The following CLEC16A variants were observed in gnomAD, a reference collection of about 807,000 sequenced individuals.
CLEC16A encodes protein CLEC16A.
CLEC16A carries 51 observed loss-of-function variants against 109.5 expected under a neutral mutation model. That is an observed-to-expected ratio of 0.47 (90% CI 0.37 to 0.59). The LOEUF is 0.59. Among genes scored for constraint, CLEC16A ranks in the 20% least tolerant of loss-of-function variants. CLEC16A has a pLI of 0.00. For synonymous variants in CLEC16A, 673 were observed against 564.2 expected (o/e 1.19, Z -2.73); for missense variants, 1,339 against 1,394.0 (o/e 0.96, Z 0.63).
intron 9 of CLEC16A, 106 bp from the exon 10 acceptor site, chr16:10,982,772 A>C: frequency 1.5e-6 from 1 of 648,046 alleles, no homozygotes; most frequent in South Asian, 1.8e-5. Context: ...ATTGCTGCTT[A>C]ATACAGGACT....
intron 4 of CLEC16A, 93 bp downstream of exon 4, chr16:10,969,402 T>C: frequency 1.1e-6 from 1 of 886,800 alleles, no homozygotes; most frequent in Non-Finnish European, 1.7e-6. Flanking sequence ...CTGGATGGTC[T>C]TGTGTCTGTT....
At chr16:11,054,051 G>A (rs913647799) in intron 18 of CLEC16A, among the ~76,000 whole-genome samples, 4 of 152,256 alleles carry the variant, frequency 2.6e-5, no homozygotes, top group African/African-American at 9.6e-5. Context: ...GCACATTCTG[G>A]CACCAACACG....
At chr16:10,974,167 G>A (rs764241926) in intron 7 of CLEC16A, among the ~76,000 whole-genome samples, 7 of 151,940 alleles carry the variant, frequency 4.6e-5, no homozygotes, top group Non-Finnish European at 8.8e-5. Context: ...AGAAGTGCTA[G>A]GATTACAGGT....
chr16:10,964,370 C>T (rs1467806538), intron 3 of CLEC16A, among the ~76,000 whole-genome samples: 1 of 152,232 alleles, frequency 6.6e-6, no homozygotes, highest in African/African-American at 2.4e-5. Context: ...AGCTCAGTGG[C>T]ACAGGCCCTT....
At chr16:11,088,971 C>T (rs183755364) in intron 19 of CLEC16A, among the ~76,000 whole-genome samples, 1 of 152,184 alleles carries the variant, frequency 6.6e-6, no homozygotes, top group Admixed American at 6.5e-5. Flanking sequence ...CTGCCATTTC[C>T]CCAGCCACCC....
Position 10,962,701 on chromosome 16 carries a change from A to G in CLEC16A, c.343+113A>G, listed in dbSNP as rs2042307975. On this transcript the variant is annotated intron_variant, in intron 3 of 23. Transcript: ENST00000409790. ...ATTCGTCGGCTCAGGCTATCCTAAC[A>G]AAATACCATAGACTGAGTGGGTTAA... 3.5e-6 allele frequency: 4 copies of G among 1,129,294 alleles called. No individual in the cohort carries two copies. In the East Asian group the frequency reaches 9.4e-5, roughly 27 times the overall value. The allele number at this position is 1,129,294 out of a possible 1,614,324, so 70.0% of individuals were successfully genotyped here.
chr16:11,122,270 G>A (rs1383157818), intron 20 of CLEC16A, among the ~76,000 whole-genome samples: 1 of 152,212 alleles, frequency 6.6e-6, no homozygotes, highest in Non-Finnish European at 1.5e-5. Flanking sequence ...CTTTTACAAA[G>A]TGTGGTGTGA....
At chr16:11,155,492 C>A (rs1471766180) in intron 22 of CLEC16A, among the ~76,000 whole-genome samples, 1 of 152,236 alleles carries the variant, frequency 6.6e-6, no homozygotes, top group African/African-American at 2.4e-5. Flanking sequence ...GTCCGGTTAG[C>A]CATGTCCCAC....
rs1332896643 is a variant in CLEC16A at position 11,120,900 on chromosome 16, C to T, written c.2268+134C>T. 9.4e-6 allele frequency: 9 copies of T among 953,932 alleles called. No homozygotes were observed. The South Asian group carries it at 2.0e-4, about 21-fold the overall frequency. 59.1% of individuals were successfully genotyped at this position (953,932 alleles called of 1,614,324 possible). A position where few individuals can be genotyped will look rare whatever the true frequency, so the allele number is the denominator to read the frequency against. ...TGATATTATACAAGGTATATGTGAA[C>T]AAATTGTCACCCAAAAAAAAGCTAA... On this transcript the variant is annotated intron_variant, in intron 20 of 23. Transcript: ENST00000409790.
At chr16:11,028,739 T>A (rs558263810) in intron 13 of CLEC16A, among the ~76,000 whole-genome samples, 1 of 152,208 alleles carries the variant, frequency 6.6e-6, no homozygotes, top group Non-Finnish European at 1.5e-5. Flanking sequence ...GATAGTACAG[T>A]TTCATTATCA....
chr16:10,976,307 C>T lies in CLEC16A; in HGVS notation c.729-918C>T, dbSNP rs1429647186. Among the ~76,000 whole-genome samples the T allele has an allele frequency of 2.0e-5, 3 of 148,532 alleles. No homozygotes were observed. The East Asian group carries it at 5.9e-4, about 29-fold the overall frequency. ...TAAATAAATAAAAGGAATAATTATC[C>T]AGAATTATGTAAAAGAAGCAGAATT... is the stretch of plus-strand genomic sequence containing the variant. On this transcript the variant is annotated intron_variant, in intron 7 of 23. Transcript: ENST00000409790.
chr16:11,137,127 T>C (rs1408603174), intron 22 of CLEC16A, among the ~76,000 whole-genome samples: 2 of 152,210 alleles, frequency 1.3e-5, no homozygotes, highest in Admixed American at 1.3e-4. Flanking sequence ...GTCTCAAGTC[T>C]GTATCTAAAG....
chr16:11,149,361 C>T (rs570650913), intron 22 of CLEC16A, among the ~76,000 whole-genome samples: 2 of 152,224 alleles, frequency 1.3e-5, no homozygotes, highest in East Asian at 1.9e-4. Context: ...TGAGAAGCTA[C>T]AGGAAGAAGA....
intron 22 of CLEC16A, chr16:11,156,511 G>A (rs2153084511): frequency 9.9e-7 from 1 of 1,006,584 alleles, no homozygotes; most frequent in South Asian, 1.4e-5. Context: ...GGGTCAGTGA[G>A]CGCCTGTGCC....
intron 12 of CLEC16A, among the ~76,000 whole-genome samples, chr16:11,023,701 A>G (rs2046251411): frequency 6.6e-6 from 1 of 152,080 alleles, no homozygotes; most frequent in Non-Finnish European, 1.5e-5. Flanking sequence ...AAGGTTATAT[A>G]GTGAACACTC....
Position 11,047,314 on chromosome 16 carries a change from T to C in CLEC16A, c.1838T>C (p.Met613Thr). 1.2e-6 allele frequency: 2 copies of C among 1,611,276 alleles called. No individual in the cohort carries two copies. Among genetic ancestry groups the C allele is most frequent in the Non-Finnish European group, 1.7e-6 (2 of 1,178,670 alleles). Residue 613 changes from methionine (M) to threonine (T), a missense_variant, in exon 17 of 24, where the codon ATG becomes ACG. This residue lies in a region of CLEC16A where 1,061 missense variants were observed against 1,006.8 expected (regional missense o/e 1.05). Coordinates refer to ENST00000409790, the MANE Select transcript of CLEC16A (RefSeq NM_015226.3). ...TAGGGAGAAGACATTTTTTTGGACA[T>C]GTTTGAAGATGAGTATAGGAGCATG... ...FYKGEDIFLD[M>T]FEDEYRSMTM...
rs114598602 is a variant in CLEC16A at position 11,156,634 on chromosome 16, C to T, written c.2642-9754C>T. The stretch of plus-strand genomic sequence containing the variant: ...TGGCCGCTCCCAAGCTTGCTAGTGC[C>T]TTGGCTGACAGACTGTTGTGGAGGT... On this transcript the variant is annotated intron_variant, in intron 22 of 23. Transcript: ENST00000409790. 1.8e-3 allele frequency: 2,283 copies of T among 1,304,292 alleles called. 29 individuals are homozygous for T. The African/African-American group carries it at 0.033, about 19-fold the overall frequency. 80.8% of individuals were successfully genotyped at this position (1,304,292 alleles called of 1,614,324 possible). A position where few individuals can be genotyped will look rare whatever the true frequency, so the allele number is the denominator to read the frequency against.
rs545535056 is a variant in CLEC16A, at chr16:11,092,632, T to G, written c.2117-27983T>G. 1.8e-4 allele frequency among the ~76,000 whole-genome samples: 27 copies of G among 152,322 alleles called. No individual in the cohort carries two copies. In the South Asian group the frequency reaches 5.6e-3, roughly 32 times the overall value. On this transcript the variant is annotated intron_variant, in intron 19 of 23. Coordinates refer to ENST00000409790, the MANE Select transcript of CLEC16A (RefSeq NM_015226.3). Reference sequence around the variant, plus strand: ...CTTGAACGTTTTTGCAAATACAGATTTGAACATAACTGATTTCAGTTCCTG... The same window carrying G: ...CTTGAACGTTTTTGCAAATACAGATGTGAACATAACTGATTTCAGTTCCTG...
intron 22 of CLEC16A, among the ~76,000 whole-genome samples, chr16:11,148,235 C>T (rs1244090022): frequency 1.3e-5 from 2 of 152,122 alleles, no homozygotes; most frequent in Non-Finnish European, 2.9e-5. Flanking sequence ...GAACTTATTT[C>T]CTGGTGCTGC....
Sources: gnomAD v4.1 joint callset for allele counts (sites outside exome capture counted in the v4.1 genomes callset) on GRCh38, gnomAD v4.1.1 for gene constraint, gnomAD v4.1.1 regional missense constraint, MANE v1.5 for transcripts, NCBI Gene and HGNC (gene_info 2026-07-23, HGNC 2026-07-21) for gene names.